The following CACNA1C variants were observed in gnomAD, a reference collection of about 807,000 sequenced individuals.
The protein encoded by CACNA1C is voltage-dependent L-type calcium channel subunit alpha-1C.
CACNA1C carries 30 observed loss-of-function variants against 229.0 expected under a neutral mutation model. The ratio of observed to expected loss-of-function variants is 0.13; its 90% CI spans 0.10 to 0.18. CACNA1C has a LOEUF of 0.18. Ranked by LOEUF, CACNA1C falls within the 10% of genes least tolerant of loss-of-function variation. The pLI, the probability that CACNA1C is intolerant of heterozygous loss-of-function variation, is 1.00. For synonymous variants in CACNA1C, 1,114 were observed against 1,132.5 expected (o/e 0.98, Z 0.33); for missense variants, 1,658 against 2,845.0 (o/e 0.58, Z 9.49).
intron 3 of CACNA1C, among the ~76,000 whole-genome samples, chr12:2,325,167 G>A (rs767210626): frequency 2.6e-5 from 4 of 152,088 alleles, no homozygotes; most frequent in African/African-American, 7.2e-5. Context: ...CCTATGCTCT[G>A]TGTGTCACCT....
chr12:2,417,601 G>A (rs11062223), intron 3 of CACNA1C, among the ~76,000 whole-genome samples: 6,741 of 152,234 alleles, frequency 0.044, 272 homozygotes, highest in African/African-American at 0.11. Flanking sequence ...GCTGCAAGGT[G>A]GTCCAGGCGG....
At chr12:2,518,975 G>A (rs985514640) in intron 9 of CACNA1C, among the ~76,000 whole-genome samples, 1 of 152,228 alleles carries the variant, frequency 6.6e-6, no homozygotes, top group Non-Finnish European at 1.5e-5. Flanking sequence ...ACAGCCACCT[G>A]CCTAAATGTT....
intron 7 of CACNA1C, among the ~76,000 whole-genome samples, chr12:2,503,847 C>G (rs1242212230): frequency 6.6e-6 from 1 of 152,230 alleles, no homozygotes. Context: ...ATACATAAAC[C>G]AAAATGATTG....
In CACNA1C at chr12:2,695,344, G is replaced by A. The variant is rs1388042086; in HGVS notation, c.*4145G>A. ...TGAGAAGAGTACTCATTCCATCTGGGGGTGTTGTTCCAGCCACATCAGCCT... is the reference window on the plus strand; with the variant it reads ...TGAGAAGAGTACTCATTCCATCTGGAGGTGTTGTTCCAGCCACATCAGCCT... On this transcript the variant is annotated 3_prime_UTR_variant, in exon 47 of 47. Coordinates refer to ENST00000399655, the MANE Select transcript of CACNA1C (RefSeq NM_000719.7). 2.0e-5 allele frequency: 3 copies of A among 152,324 alleles called. No individual in the cohort carries two copies. Among genetic ancestry groups the A allele is most frequent in the East Asian group, 1.9e-4 (1 of 5,196 alleles). The allele number at this position is 152,324 out of a possible 1,614,324, so 9.4% of individuals were successfully genotyped here.
intron 7 of CACNA1C, among the ~76,000 whole-genome samples, chr12:2,499,662 T>C (rs1001449728): frequency 2.6e-4 from 40 of 152,182 alleles, no homozygotes; most frequent in Non-Finnish European, 4.4e-4. Flanking sequence ...CTGCCAGTAC[T>C]TGGGCCTGGA....
intron 7 of CACNA1C, among the ~76,000 whole-genome samples, chr12:2,501,209 C>CAA (rs59324696): frequency 0.056 from 1,739 of 31,076 alleles, 340 homozygotes; most frequent in African/African-American, 0.25. Context: ...GACTCCACCT[C>CAA]AAAAAAAAAA....
chr12:1,994,575 C>T, intron 1 of CACNA1C, among the ~76,000 whole-genome samples: 1 of 152,110 alleles, frequency 6.6e-6, no homozygotes, highest in East Asian at 1.9e-4. Context: ...AAATGTACTC[C>T]CAAAGAGCTC....
In CACNA1C at chr12:2,504,701, A is replaced by G. The variant is rs2099767834; in HGVS notation, c.1114-141A>G. On this transcript the variant is annotated intron_variant, in intron 7 of 46. Coordinates refer to ENST00000399655, the MANE Select transcript of CACNA1C (RefSeq NM_000719.7). This position sits in a 1 kb window ranked among gnomAD's most constrained non-coding sequence, Gnocchi z 6.8. The stretch of plus-strand genomic sequence containing the variant: ...ACAGATTCTGACCCATTGGCCAGGC[A>G]GGCTGTTTGGCCTCTGATTTGCACC... 4 of 741,636 alleles carry G rather than the reference A, an allele frequency of 5.4e-6. No homozygotes were observed. The East Asian group carries it at 1.0e-4, about 19-fold the overall frequency. The allele number at this position is 741,636 out of a possible 1,614,324, so 45.9% of individuals were successfully genotyped here.
intron 31 of CACNA1C, among the ~76,000 whole-genome samples, chr12:2,650,653 G>A (rs565554230): frequency 1.3e-5 from 2 of 152,142 alleles, no homozygotes; most frequent in African/African-American, 4.8e-5. Context: ...GCAGAGGACC[G>A]CAGGGCAGCC....
At chr12:2,544,092 G>A (rs28658333) in intron 9 of CACNA1C, among the ~76,000 whole-genome samples, 2,799 of 152,034 alleles carry the variant, frequency 0.018, 75 homozygotes, top group African/African-American at 0.064. Flanking sequence ...TGAACCAAGT[G>A]GCTCATTTCA....
chr12:2,189,404 G>A (rs1019037448), intron 3 of CACNA1C, among the ~76,000 whole-genome samples: 5 of 152,238 alleles, frequency 3.3e-5, no homozygotes, highest in African/African-American at 1.2e-4. Context: ...TGCGTACAAG[G>A]AGAGAAGGCT....
chr12:2,193,020 T>C (rs2097289018), intron 3 of CACNA1C, among the ~76,000 whole-genome samples: 1 of 152,240 alleles, frequency 6.6e-6, no homozygotes, highest in Non-Finnish European at 1.5e-5. Flanking sequence ...TGTCATTCCA[T>C]GTAGGTTTGC....
Position 2,181,017 on chromosome 12 carries a change from A to G in CACNA1C, c.477+60587A>G, listed in dbSNP as rs576510203. On this transcript the variant is annotated intron_variant, in intron 3 of 46. Coordinates refer to ENST00000399655, the MANE Select transcript of CACNA1C (RefSeq NM_000719.7). The surrounding 1 kb of genome is among the most constrained non-coding windows in gnomAD (Gnocchi z 4.0). ...TTTGTTTCATGAACATAACCCTCAA[A>G]TCTGCACTCCCCTATTACGTGTTTG... Among the ~76,000 whole-genome samples, 1 of 152,304 alleles carries G rather than the reference A, an allele frequency of 6.6e-6. No individual in the cohort carries two copies. Among genetic ancestry groups the G allele is most frequent in the East Asian group, 1.9e-4 (1 of 5,176 alleles).
intron 1 of CACNA1C, among the ~76,000 whole-genome samples, chr12:2,071,307 T>C (rs2061261856): frequency 6.6e-6 from 1 of 151,040 alleles, no homozygotes; most frequent in South Asian, 2.1e-4. Flanking sequence ...AGCCTTGACC[T>C]CCCAGGCTCA....
rs1429574601 is a variant in CACNA1C at position 2,651,741 on chromosome 12, G to A, written c.4047G>A (p.Leu1349=). The A allele has an allele frequency of 9.3e-6, 15 of 1,612,134 alleles. No individual in the cohort carries two copies. Among genetic ancestry groups the A allele is most frequent in the Non-Finnish European group, 1.3e-5 (15 of 1,178,694 alleles). The change falls in exon 32 of 47, where the codon CTG becomes CTA. Residue 1349 remains leucine (L), a synonymous_variant. Coordinates refer to ENST00000399655, the MANE Select transcript of CACNA1C (RefSeq NM_000719.7). This position sits in a 1 kb window ranked among gnomAD's most constrained non-coding sequence, Gnocchi z 5.4. ...GCCGTGGGGAGGGCATCCGGACGCT[G>A]CTGTGGACCTTCATCAAGTCCTTCC... The part of the protein sequence containing the change: ...LLSRGEGIRT[L]LWTFIKSFQA...
At chr12:2,452,651 C>T (rs1386137566) in intron 4 of CACNA1C, among the ~76,000 whole-genome samples, 5 of 152,148 alleles carry the variant, frequency 3.3e-5, no homozygotes, top group Non-Finnish European at 4.4e-5. Context: ...ACCAGCCACT[C>T]CTACACCCAT....
intron 3 of CACNA1C, among the ~76,000 whole-genome samples, chr12:2,441,465 T>G (rs2099225489): frequency 6.6e-6 from 1 of 152,164 alleles, no homozygotes; most frequent in South Asian, 2.1e-4. Flanking sequence ...TGTTATAAAG[T>G]CTCTTTGTAT....
intron 5 of CACNA1C, among the ~76,000 whole-genome samples, chr12:2,461,025 A>G (rs1207840106): frequency 6.6e-6 from 1 of 152,200 alleles, no homozygotes; most frequent in Non-Finnish European, 1.5e-5. Context: ...TCCGTCTTCT[A>G]CTTCTCATAG....
chr12:2,127,460 T>C (rs1210253831), intron 3 of CACNA1C, among the ~76,000 whole-genome samples: 2 of 152,370 alleles, frequency 1.3e-5, no homozygotes, highest in African/African-American at 4.8e-5. Flanking sequence ...CTATCTCTTA[T>C]GTGTTGTCCT....
Sources: allele counts gnomAD v4.1 joint callset (sites outside exome capture counted in the v4.1 genomes callset), GRCh38; gene constraint gnomAD v4.1.1; non-coding constraint Gnocchi (gnomAD v3.1); transcripts MANE v1.5; gene names NCBI Gene and HGNC (gene_info 2026-07-23, HGNC 2026-07-21).